ARHGAP12: variants seen among roughly 807,000 people sequenced by gnomAD.
ARHGAP12 encodes the protein rho GTPase-activating protein 12.
ARHGAP12 carries 64 observed loss-of-function variants against 108.6 expected under a neutral mutation model. The ratio of observed to expected loss-of-function variants is 0.59; its 90% CI spans 0.48 to 0.73. The LOEUF (loss-of-function observed/expected upper bound fraction) is 0.73, where lower values mean the gene tolerates loss of function less well. ARHGAP12 is among the 30% of genes least tolerant of loss of function. The pLI, the probability that ARHGAP12 is intolerant of heterozygous loss-of-function variation, is 0.00. For synonymous variants in ARHGAP12, 312 were observed against 337.2 expected (o/e 0.93, Z 0.82); for missense variants, 940 against 1,005.9 (o/e 0.93, Z 0.89).
chr10:31,914,952 G>A (rs979016996), intron 1 of ARHGAP12, among the ~76,000 whole-genome samples: 1 of 152,146 alleles, frequency 6.6e-6, no homozygotes, highest in Non-Finnish European at 1.5e-5. Flanking sequence ...ATACTACTTA[G>A]CCATAAAAAA....
intron 1 of ARHGAP12, among the ~76,000 whole-genome samples, chr10:31,925,538 C>T (rs1397750701): frequency 6.6e-6 from 1 of 152,162 alleles, no homozygotes; most frequent in East Asian, 1.9e-4. Context: ...TTAGTATTCT[C>T]CTAATGTCCT....
chr10:31,876,180 T>A (rs1837724886), intron 3 of ARHGAP12, among the ~76,000 whole-genome samples: 1 of 152,028 alleles, frequency 6.6e-6, no homozygotes, highest in Non-Finnish European at 1.5e-5. Flanking sequence ...CTTTTGAAAC[T>A]CCTCAAATAA....
chr10:31,914,289 G>C (rs1413729656), intron 1 of ARHGAP12, among the ~76,000 whole-genome samples: 1 of 151,898 alleles, frequency 6.6e-6, no homozygotes, highest in Non-Finnish European at 1.5e-5. Context: ...TCTATAGTAG[G>C]TTCATAGTTT....
At position 31,805,986 on chromosome 10, in the gene ARHGAP12, G is replaced by C. The variant is rs1413855567; in HGVS notation, c.*1672C>G. The C allele has an allele frequency of 6.6e-6, 1 of 152,086 alleles. No homozygotes were observed. Among genetic ancestry groups the C allele is most frequent in the African/African-American group, 2.4e-5 (1 of 41,404 alleles). The allele number at this position is 152,086 out of a possible 1,614,324, so 9.4% of individuals were successfully genotyped here. A position where few individuals can be genotyped will look rare whatever the true frequency, so the allele number is the denominator to read the frequency against. On this transcript the variant is annotated 3_prime_UTR_variant, in exon 20 of 20. Transcript: ENST00000344936. Reference sequence around the variant, plus strand: ...ACTTTCTACCACAAAATTCAGGTGAGAGGTTTTTAGACAGATCATACAAAA... The same window carrying C: ...ACTTTCTACCACAAAATTCAGGTGACAGGTTTTTAGACAGATCATACAAAA...
intron 18 of ARHGAP12, 25 bp from the exon 19 acceptor site, chr10:31,808,776 T>C (rs199703275): frequency 6.2e-7 from 1 of 1,606,326 alleles, no homozygotes; most frequent in Non-Finnish European, 8.5e-7. Flanking sequence ...TAACCAGATA[T>C]TTTACAGCAA....
At chr10:31,832,393 GATTT>G (rs1009361970) in intron 9 of ARHGAP12, among the ~76,000 whole-genome samples, 22 of 152,262 alleles carry the variant, frequency 1.4e-4, no homozygotes, top group Middle Eastern at 3.4e-3. Context: ...AGACAAACTA[GATTT>G]ATTAGCCAGC....
At chr10:31,827,836 G>C (rs1026983321) in intron 10 of ARHGAP12, among the ~76,000 whole-genome samples, 1 of 151,736 alleles carries the variant, frequency 6.6e-6, no homozygotes, top group African/African-American at 2.4e-5. Flanking sequence ...TCTAAAGGAG[G>C]TTTATTTTCT....
At chr10:31,925,497 A>G (rs1185361357) in intron 1 of ARHGAP12, among the ~76,000 whole-genome samples, 1 of 152,232 alleles carries the variant, frequency 6.6e-6, no homozygotes, top group Non-Finnish European at 1.5e-5. Flanking sequence ...ACACTGACAC[A>G]TAACAATTTC....
intron 10 of ARHGAP12, among the ~76,000 whole-genome samples, chr10:31,829,552 T>C (rs1472040605): frequency 1.3e-5 from 2 of 152,218 alleles, no homozygotes; most frequent in Non-Finnish European, 2.9e-5. Context: ...TCTGCTACAA[T>C]GGATTTGACA....
intron 1 of ARHGAP12, among the ~76,000 whole-genome samples, chr10:31,912,684 G>A (rs1839401427): frequency 6.6e-6 from 1 of 152,178 alleles, no homozygotes; most frequent in South Asian, 2.1e-4. Flanking sequence ...GGTAAAATGA[G>A]CAAGAGTGGA....
At chr10:31,843,041 C>T (rs1017008218) in intron 7 of ARHGAP12, among the ~76,000 whole-genome samples, 1 of 152,064 alleles carries the variant, frequency 6.6e-6, no homozygotes, top group Non-Finnish European at 1.5e-5. Context: ...TAAATGTCTT[C>T]CCTATGAAAC....
chr10:31,837,496 G>A (rs1179450543), intron 9 of ARHGAP12, among the ~76,000 whole-genome samples: 1 of 152,168 alleles, frequency 6.6e-6, no homozygotes, highest in Non-Finnish European at 1.5e-5. Context: ...TGCAATTAGT[G>A]ACTTGAGAGT....
chr10:31,832,476 T>A (rs1391925697), intron 9 of ARHGAP12, among the ~76,000 whole-genome samples: 1 of 152,214 alleles, frequency 6.6e-6, no homozygotes, highest in East Asian at 1.9e-4. Context: ...TGCACTAAAG[T>A]TAATGTTATC....
intron 3 of ARHGAP12, among the ~76,000 whole-genome samples, chr10:31,871,020 C>G (rs1191507397): frequency 6.6e-6 from 1 of 152,202 alleles, no homozygotes; most frequent in African/African-American, 2.4e-5. Flanking sequence ...ACACAGCTAA[C>G]TGCTGCAGAG....
chr10:31,883,879 T>C (rs753404779), intron 3 of ARHGAP12, among the ~76,000 whole-genome samples: 30 of 151,726 alleles, frequency 2.0e-4, no homozygotes, highest in Admixed American at 6.6e-4. Flanking sequence ...GCCCAGCTAA[T>C]TTTTTTTGTA....
At chr10:31,904,653 G>C (rs1839054780) in intron 3 of ARHGAP12, among the ~76,000 whole-genome samples, 1 of 152,104 alleles carries the variant, frequency 6.6e-6, no homozygotes, top group South Asian at 2.1e-4. Flanking sequence ...TTGAGACAGG[G>C]TCTCACTCTG....
chr10:31,867,251 C>T (rs1158254164), intron 3 of ARHGAP12, among the ~76,000 whole-genome samples: 1 of 151,592 alleles, frequency 6.6e-6, no homozygotes, highest in African/African-American at 2.4e-5. Flanking sequence ...TACTTAAAAT[C>T]AGCTTAAATC....
At chr10:31,819,627 G>A (rs1379409107) in intron 12 of ARHGAP12, among the ~76,000 whole-genome samples, 3 of 152,146 alleles carry the variant, frequency 2.0e-5, no homozygotes, top group Non-Finnish European at 2.9e-5. Flanking sequence ...TCCTGAGGCC[G>A]TCACTTGATG....
chr10:31,916,749 TGGGACTACAGGTGCCCGCC>T (rs1839573490), intron 1 of ARHGAP12, among the ~76,000 whole-genome samples: 1 of 152,112 alleles, frequency 6.6e-6, no homozygotes, highest in Non-Finnish European at 1.5e-5. Context: ...CCCAAGCAGC[TGGGACTACAGGTGCCCGCC>T]ACCACATCTA....
Sources: gnomAD v4.1 joint callset for allele counts (sites outside exome capture counted in the v4.1 genomes callset) on GRCh38, gnomAD v4.1.1 for gene constraint, MANE v1.5 for transcripts, NCBI Gene and HGNC (gene_info 2026-07-23, HGNC 2026-07-21) for gene names.